GALNT13: variants seen among roughly 807,000 people sequenced by gnomAD.
GALNT13 encodes polypeptide N-acetylgalactosaminyltransferase 13.
GALNT13 carries 28 observed loss-of-function variants against 64.2 expected under a neutral mutation model. That is an observed-to-expected ratio of 0.44 (90% confidence interval 0.32 to 0.60). The LOEUF is 0.60. Ranked by LOEUF, GALNT13 falls within the 20% of genes least tolerant of loss-of-function variation. The pLI, the probability that GALNT13 is intolerant of heterozygous loss-of-function variation, is 0.05. For synonymous variants in GALNT13, 214 were observed against 224.6 expected, an observed-to-expected ratio of 0.95 and a Z score of 0.42; for missense variants, 577 against 669.8, an observed-to-expected ratio of 0.86 and a Z score of 1.53.
At chr2:153,182,027 G>A in the GALNT13 span, among the ~76,000 whole-genome samples, 1 of 150,456 alleles carries the variant, frequency 6.6e-6, no homozygotes. Context: ...TTAATAATAA[G>A]CAGTTTTCTT....
At chr2:154,206,678 T>A (rs1446988014) in intron 4 of GALNT13, among the ~76,000 whole-genome samples, 2 of 151,740 alleles carry the variant, frequency 1.3e-5, no homozygotes, top group Non-Finnish European at 2.9e-5. Flanking sequence ...GTGCCTGTAA[T>A]CCCAGCTACT....
chr2:154,078,422 A>C (rs1277377564), intron 3 of GALNT13, among the ~76,000 whole-genome samples: 1 of 151,492 alleles, frequency 6.6e-6, no homozygotes, highest in African/African-American at 2.4e-5. Flanking sequence ...TTGTAATGAC[A>C]GATGATAGCT....
chr2:153,742,836 T>A, the GALNT13 span, among the ~76,000 whole-genome samples: 2 of 151,956 alleles, frequency 1.3e-5, no homozygotes, highest in African/African-American at 4.8e-5. Context: ...AACACTTACA[T>A]TGATTTCATG....
the GALNT13 span, among the ~76,000 whole-genome samples, chr2:153,340,684 A>T: frequency 6.6e-6 from 1 of 152,072 alleles, no homozygotes; most frequent in Non-Finnish European, 1.5e-5. Context: ...GAGAGTTGGC[A>T]TACTAGTTTT....
intron 4 of GALNT13, among the ~76,000 whole-genome samples, chr2:154,157,767 T>C (rs1036265496): frequency 4.6e-5 from 7 of 152,156 alleles, no homozygotes; most frequent in African/African-American, 1.7e-4. Flanking sequence ...ATTGCCGAGG[T>C]CACTAATGAT....
the GALNT13 span, chr2:153,370,885 G>T: frequency 5.6e-6 from 1 of 179,192 alleles, no homozygotes; most frequent in Non-Finnish European, 1.2e-5. Flanking sequence ...CAACACACTT[G>T]TGTTTATTGT....
At chr2:153,409,382 A>ATTTATATGTATATG in the GALNT13 span, among the ~76,000 whole-genome samples, 1 of 150,094 alleles carries the variant, frequency 6.7e-6, no homozygotes, top group Non-Finnish European at 1.5e-5. Context: ...GTGTGTATAT[A>ATTTATATGTATATG]TATATATATC....
chr2:154,263,555 A>G (rs1161629474), intron 8 of GALNT13, among the ~76,000 whole-genome samples: 1 of 152,222 alleles, frequency 6.6e-6, no homozygotes, highest in Non-Finnish European at 1.5e-5. Flanking sequence ...AATATACATT[A>G]AAGTATAATT....
chr2:154,310,972 A>G (rs528398693), intron 9 of GALNT13, among the ~76,000 whole-genome samples: 39 of 152,166 alleles, frequency 2.6e-4, no homozygotes, highest in Non-Finnish European at 4.3e-4. Context: ...CTAAGAATAT[A>G]TATTCATAGA....
the GALNT13 span, among the ~76,000 whole-genome samples, chr2:153,697,986 G>A: frequency 1.3e-5 from 2 of 151,996 alleles, no homozygotes; most frequent in African/African-American, 2.4e-5. Flanking sequence ...TTTCATATCC[G>A]GCCAAACTAA....
chr2:153,401,498 G>A, the GALNT13 span, among the ~76,000 whole-genome samples: 2 of 148,360 alleles, frequency 1.3e-5, no homozygotes, highest in Admixed American at 6.7e-5. Flanking sequence ...TTTCTGTCTC[G>A]TTGATCTGTC....
chr2:153,361,590 A>G, the GALNT13 span, among the ~76,000 whole-genome samples: 1 of 152,026 alleles, frequency 6.6e-6, no homozygotes. Flanking sequence ...AATTACCAAT[A>G]GCCAAATCAA....
the GALNT13 span, among the ~76,000 whole-genome samples, chr2:153,356,789 C>CTTTTTTTTTTTTTTTTTT: frequency 1.9e-4 from 20 of 104,904 alleles, 9 homozygotes; most frequent in Non-Finnish European, 2.2e-4. Flanking sequence ...TCTTCTTCCT[C>CTTTTTTTTTTTTTTTTTT]TTTTTTTTTT....
the GALNT13 span, among the ~76,000 whole-genome samples, chr2:153,577,567 G>T: frequency 6.6e-6 from 1 of 152,012 alleles, no homozygotes; most frequent in Non-Finnish European, 1.5e-5. Flanking sequence ...CCATCAGAAA[G>T]AAAAGCGTGC....
chr2:153,223,017 T>A, the GALNT13 span, among the ~76,000 whole-genome samples: 24,244 of 152,230 alleles, frequency 0.16, 2,028 homozygotes, highest in Non-Finnish European at 0.17. Context: ...GCTGGCTCAG[T>A]GGAGTGCGCC....
At chr2:153,248,518 A>C in the GALNT13 span, among the ~76,000 whole-genome samples, 4 of 151,746 alleles carry the variant, frequency 2.6e-5, no homozygotes, top group Non-Finnish European at 5.9e-5. Flanking sequence ...AACATCCTTT[A>C]TGTTAAAAAC....
chr2:153,336,792 A>C, the GALNT13 span, among the ~76,000 whole-genome samples: 147 of 152,056 alleles, frequency 9.7e-4, no homozygotes, highest in Non-Finnish European at 1.5e-3. Flanking sequence ...GGTAGAATGA[A>C]ATGGTTTGGC....
chr2:153,438,432 A>G, the GALNT13 span, among the ~76,000 whole-genome samples: 4 of 152,008 alleles, frequency 2.6e-5, no homozygotes, highest in Non-Finnish European at 4.4e-5. Context: ...TTCCAACTTG[A>G]TTCCATTCTC....
the GALNT13 span, among the ~76,000 whole-genome samples, chr2:153,307,350 A>AT: frequency 6.6e-6 from 1 of 152,176 alleles, no homozygotes; most frequent in Non-Finnish European, 1.5e-5. Flanking sequence ...AAGCATTACA[A>AT]TTATGCACAC....
Sources: gnomAD v4.1 joint callset for allele counts (sites outside exome capture counted in the v4.1 genomes callset) on GRCh38, gnomAD v4.1.1 for gene constraint, MANE v1.5 for transcripts, NCBI Gene and HGNC (gene_info 2026-07-23, HGNC 2026-07-21) for gene names.